SAMM50: variants seen among roughly 807,000 people sequenced by gnomAD.
SAMM50 encodes the protein SAMM50 sorting and assembly machinery component.
Under a neutral mutation model 66.9 loss-of-function variants are expected in SAMM50, and 47 were observed. The observed-to-expected ratio is 0.70, with a 90% CI of 0.56 to 0.90. SAMM50 has a LOEUF of 0.90. Among genes scored for constraint, SAMM50 ranks in the 40% least tolerant of loss-of-function variants. The pLI is 0.00. For synonymous variants in SAMM50, 191 were observed against 214.1 expected (o/e 0.89, Z 0.94); for missense variants, 535 against 595.3 (o/e 0.90, Z 1.05).
chr22:43,958,005 G>A (rs765890443), intron 1 of SAMM50, among the ~76,000 whole-genome samples: 10 of 152,114 alleles, frequency 6.6e-5, no homozygotes, highest in Non-Finnish European at 1.0e-4. Flanking sequence ...CGCCTGCCTC[G>A]GCCTTCCAAA....
chr22:43,995,907 C>A (rs2050350898), intron 14 of SAMM50, among the ~76,000 whole-genome samples: 1 of 152,276 alleles, frequency 6.6e-6, no homozygotes, highest in South Asian at 2.1e-4. Flanking sequence ...CTGCTGGTTT[C>A]CTAAGCCCCG....
chr22:43,976,460 C>T (rs145421752), intron 8 of SAMM50, among the ~76,000 whole-genome samples: 3 of 152,318 alleles, frequency 2.0e-5, no homozygotes, highest in Non-Finnish European at 4.4e-5. Flanking sequence ...CCGACTGAGG[C>T]CAGGGCGTCG....
chr22:43,976,118 C>T lies in SAMM50; in HGVS notation c.712C>T (p.Leu238Phe), dbSNP rs916128511. ...AGGCGTATGGCGAGAACTGGGCTGC[C>T]TCTCAAGGACGGCGTCATTTGCTGT... ...WEGVWRELGCLSRTASFAVRK... is the reference protein window; with the variant it reads ...WEGVWRELGCFSRTASFAVRK... Residue 238 changes from leucine to phenylalanine, a missense_variant, in exon 8 of 15, where the codon CTC (leucine) becomes TTC (phenylalanine). Coordinates refer to ENST00000350028, the MANE Select transcript of SAMM50 (RefSeq NM_015380.5). 1.9e-5 allele frequency: 31 copies of T among 1,612,240 alleles called. No individual in the cohort carries two copies. The highest frequency in any genetic ancestry group is 2.4e-5 in the Non-Finnish European group (28 of 1,178,334).
chr22:43,995,258 T>C (rs562355999), intron 14 of SAMM50: 11 of 152,328 alleles, frequency 7.2e-5, no homozygotes, highest in African/African-American at 2.2e-4. Flanking sequence ...AATCTCTTCG[T>C]GGATCAGATA....
At chr22:43,973,438 G>C (rs1327029772) in intron 7 of SAMM50, 115 bp downstream of exon 7, 1 of 667,614 alleles carries the variant, frequency 1.5e-6, no homozygotes, top group Non-Finnish European at 2.8e-6. Context: ...TCTGCCCTCC[G>C]CACCAGGTAC....
At chr22:43,958,100 C>T (rs540434050) in intron 1 of SAMM50, among the ~76,000 whole-genome samples, 3 of 152,300 alleles carry the variant, frequency 2.0e-5, no homozygotes, top group South Asian at 4.1e-4. Flanking sequence ...TTATTTGGAC[C>T]GCACTATTGC....
chr22:43,996,134 G>GCTTAACCAGCTGGTGAAGGTT (rs2050352696), intron 14 of SAMM50: 2 of 682,590 alleles, frequency 2.9e-6, no homozygotes, highest in African/African-American at 1.8e-5. Context: ...TTCTCCGAGG[G>GCTTAACCAGCTGGTGAAGGTT]CTTAACCAGC....
chr22:43,963,687 T>C (rs1286810274), intron 2 of SAMM50, among the ~76,000 whole-genome samples: 1 of 152,240 alleles, frequency 6.6e-6, no homozygotes, highest in Non-Finnish European at 1.5e-5. Flanking sequence ...CTTAAATTTA[T>C]ATTTCCATTC....
At chr22:43,973,928 T>A (rs1288089946) in intron 7 of SAMM50, among the ~76,000 whole-genome samples, 1 of 152,198 alleles carries the variant, frequency 6.6e-6, no homozygotes, top group Non-Finnish European at 1.5e-5. Flanking sequence ...GGTTTCATTT[T>A]TGGTTCACAC....
At chr22:43,959,219 A>G (rs993283491) in intron 1 of SAMM50, among the ~76,000 whole-genome samples, 1 of 151,826 alleles carries the variant, frequency 6.6e-6, no homozygotes, top group African/African-American at 2.4e-5. Context: ...GGGTTTCACC[A>G]TGTTGTCCAG....
intron 1 of SAMM50, 75 bp downstream of exon 1, chr22:43,955,673 C>T (rs1453997669): frequency 4.1e-6 from 6 of 1,465,674 alleles, no homozygotes; most frequent in East Asian, 2.5e-5. Flanking sequence ...GGGAGACGCT[C>T]TCGTGGCTGC....
At chr22:43,973,981 G>A (rs1167261270) in intron 7 of SAMM50, among the ~76,000 whole-genome samples, 1 of 151,892 alleles carries the variant, frequency 6.6e-6, no homozygotes, top group Non-Finnish European at 1.5e-5. Context: ...GCCACCATTG[G>A]AATTCGTATC....
intron 12 of SAMM50, among the ~76,000 whole-genome samples, chr22:43,984,907 G>A (rs1471363101): frequency 1.3e-5 from 2 of 152,038 alleles, no homozygotes; most frequent in East Asian, 3.8e-4. Context: ...TGGGATTACA[G>A]ATGTGAGCCA....
At chr22:43,972,140 A>G (rs985837127) in intron 4 of SAMM50, 96 bp from the exon 5 acceptor site, 1 of 636,272 alleles carries the variant, frequency 1.6e-6, no homozygotes, top group East Asian at 2.9e-5. Flanking sequence ...GTAAAATAGA[A>G]TGAACCTTCA....
Position 43,990,535 on chromosome 22 carries a change from A to G in SAMM50, c.1364+129A>G, listed in dbSNP as rs906813477. On this transcript the variant is annotated intron_variant, in intron 14 of 14. Transcript: ENST00000350028. ...TTTAAGAGAATTAAATAGTTGCAAA[A>G]TAATGAAAACACATGTATTTTCCTC... is the stretch of plus-strand genomic sequence containing the variant. 10 of 1,014,048 alleles carry G rather than the reference A, an allele frequency of 9.9e-6. No individual in the cohort carries two copies. In the African/African-American group the frequency reaches 1.1e-4, roughly 11 times the overall value. The allele number at this position is 1,014,048 out of a possible 1,614,324, so 62.8% of individuals were successfully genotyped here. A position where few individuals can be genotyped will look rare whatever the true frequency, so the allele number is the denominator to read the frequency against.
At chr22:43,957,054 A>T in intron 1 of SAMM50, 1 of 1,023,614 alleles carries the variant, frequency 9.8e-7, no homozygotes, top group Non-Finnish European at 1.5e-6. Flanking sequence ...GTCCAAGGCC[A>T]TTTTTGCTGG....
intron 12 of SAMM50, chr22:43,987,223 T>G (rs1453425209): frequency 6.6e-6 from 1 of 152,168 alleles, no homozygotes; most frequent in Non-Finnish European, 1.5e-5. Context: ...AAAATGTGTA[T>G]GTTCAAGAAT....
intron 4 of SAMM50, 142 bp from the exon 5 acceptor site, chr22:43,972,094 C>A: frequency 3.7e-6 from 2 of 543,656 alleles, no homozygotes; most frequent in Non-Finnish European, 3.2e-6. Context: ...TGTTCTTAAA[C>A]GTTTCTCATG....
At chr22:43,984,719 C>T (rs2050283051) in intron 12 of SAMM50, among the ~76,000 whole-genome samples, 2 of 152,030 alleles carry the variant, frequency 1.3e-5, no homozygotes, top group Non-Finnish European at 1.5e-5. Context: ...ACCTCCGCCT[C>T]CCGGGTTCAC....
Sources: gnomAD v4.1 joint callset for allele counts (sites outside exome capture counted in the v4.1 genomes callset) on GRCh38, gnomAD v4.1.1 for gene constraint, MANE v1.5 for transcripts, NCBI Gene and HGNC (gene_info 2026-07-23, HGNC 2026-07-21) for gene names.